ZNF124: variants seen among roughly 807,000 people sequenced by gnomAD.
The protein encoded by ZNF124 is zinc finger protein 124.
ZNF124 carries 25 observed loss-of-function variants against 26.6 expected under a neutral mutation model. That is an observed-to-expected ratio of 0.94 (90% CI 0.68 to 1.31). The LOEUF (loss-of-function observed/expected upper bound fraction) is 1.31. Among genes scored for constraint, ZNF124 ranks in the 40% most tolerant of loss-of-function variants. ZNF124 has a pLI of 0.00. For synonymous variants in ZNF124, 129 were observed against 133.3 expected (o/e 0.97, Z 0.22); for missense variants, 444 against 422.2 (o/e 1.05, Z -0.45).
At chr1:247,150,052 C>A (rs1672886041), downstream of ZNF124, 1 of 152,110 alleles carries the variant, frequency 6.6e-6, no homozygotes, top group Non-Finnish European at 1.5e-5. Context: ...GCCTTTATGA[C>A]CTCACCACCT....
intron 1 of ZNF124, among the ~76,000 whole-genome samples, chr1:247,160,625 CCT>C (rs753298592): frequency 1.3e-5 from 2 of 152,130 alleles, no homozygotes; most frequent in African/African-American, 4.8e-5. Flanking sequence ...TTGCTGAACC[CCT>C]GTTTTCCTTC....
chr1:247,125,674 C>T (rs1464085850), intron 3 of ZNF124, among the ~76,000 whole-genome samples: 3 of 151,046 alleles, frequency 2.0e-5, no homozygotes, highest in African/African-American at 7.3e-5. Flanking sequence ...TCGTGATCGG[C>T]GCCGGCGCCG....
intron 3 of ZNF124, among the ~76,000 whole-genome samples, chr1:247,147,276 G>A (rs142797547): frequency 0.032 from 4,745 of 149,838 alleles, 152 homozygotes; most frequent in Admixed American, 0.092. Flanking sequence ...GCCCAGGCTG[G>A]AGTCCAGTGG....
At chr1:247,151,490 A>AC (rs1424283284), downstream of ZNF124, among the ~76,000 whole-genome samples, 17 of 152,048 alleles carry the variant, frequency 1.1e-4, no homozygotes, top group African/African-American at 3.9e-4. Flanking sequence ...AAAAAAAAAA[A>AC]AAAAACCATG....
rs1198502414 is a variant in ZNF124 at position 247,132,057 on chromosome 1, TC to T, written c.219-8187del. ...GGTTGGTGTCCCTTGAGGTAAGAAG[TC>T]CCAGAAGGAGGAGCAGGCACCCATC... On this transcript the variant is annotated intron_variant, in intron 3 of 3. Coordinates refer to the ZNF124 transcript ENST00000472531. Among the ~76,000 whole-genome samples, 4 of 152,042 alleles carry T rather than the reference TC, an allele frequency of 2.6e-5. No individual in the cohort carries two copies. In the East Asian group the frequency reaches 7.7e-4, roughly 29 times the overall value.
rs993116544 is a variant in ZNF124 at position 247,168,215 on chromosome 1, A to G, written c.30+3633T>C. On this transcript the variant is annotated intron_variant, in intron 1 of 3. Transcript: ENST00000543802. The surrounding 1 kb of genome is among the most constrained non-coding windows in gnomAD (Gnocchi z 4.0). ...AATGCCACTACTGGGTATGTACCCA[A>G]AGGAAAAGAAGTCATTATATGAAAA... 1.3e-5 allele frequency among the ~76,000 whole-genome samples: 2 copies of G among 152,216 alleles called. No homozygotes were observed. Among genetic ancestry groups the G allele is most frequent in the African/African-American group, 4.8e-5 (2 of 41,460 alleles).
chr1:247,140,128 T>G (rs1266661583), intron 3 of ZNF124, among the ~76,000 whole-genome samples: 1 of 152,214 alleles, frequency 6.6e-6, no homozygotes, highest in African/African-American at 2.4e-5. Context: ...GGGATGCCAA[T>G]AATTCATAGA....
At chr1:247,157,939 G>A (rs988456397) in intron 3 of ZNF124, among the ~76,000 whole-genome samples, 1 of 144,188 alleles carries the variant, frequency 6.9e-6, no homozygotes, top group Non-Finnish European at 1.5e-5. Context: ...GTTCCTGAAA[G>A]ATCCGATTGT....
At chr1:247,170,740 C>G (rs1336364150) in intron 1 of ZNF124, among the ~76,000 whole-genome samples, 2 of 142,632 alleles carry the variant, frequency 1.4e-5, no homozygotes, top group East Asian at 4.0e-4. Context: ...GGGTACATAA[C>G]TGGGGGCTGC....
intron 2 of ZNF124, among the ~76,000 whole-genome samples, 154 bp downstream of exon 2, chr1:247,159,533 T>A (rs542575404): frequency 1.3e-5 from 2 of 152,176 alleles, no homozygotes; most frequent in African/African-American, 4.8e-5. Context: ...AATTAAAAAA[T>A]AGACTAAGAA....
rs146879280 is a variant in ZNF124 at position 247,136,853 on chromosome 1, A to C, written c.219-12982T>G. Among the ~76,000 whole-genome samples the C allele has an allele frequency of 1.4e-3, 211 of 152,122 alleles. 1 individual carries two copies. The East Asian group carries it at 0.026, about 19-fold the overall frequency. ...TCCTTGCTGCTGGGGAGGCTGAGGC[A>C]AGAGAATCACTTGATCCCAGGAGTT... On this transcript the variant is annotated intron_variant, in intron 3 of 3. Coordinates refer to the ZNF124 transcript ENST00000472531.
At chr1:247,139,093 ATG>A (rs1672560975) in intron 3 of ZNF124, among the ~76,000 whole-genome samples, 1 of 152,148 alleles carries the variant, frequency 6.6e-6, no homozygotes, top group Admixed American at 6.5e-5. Flanking sequence ...ATGTTAATTG[ATG>A]TCTCATGTCT....
chr1:247,133,146 G>T (rs948030716), intron 3 of ZNF124, among the ~76,000 whole-genome samples: 2 of 151,918 alleles, frequency 1.3e-5, no homozygotes, highest in Admixed American at 6.6e-5. Flanking sequence ...TGGAAGAAAG[G>T]ATATCAGAGT....
At chr1:247,137,145 A>G (rs563738106) in intron 3 of ZNF124, among the ~76,000 whole-genome samples, 54 of 151,818 alleles carry the variant, frequency 3.6e-4, no homozygotes, top group Non-Finnish European at 6.6e-4. Flanking sequence ...CAGAAATACC[A>G]CCACACATCT....
At position 247,158,986 on chromosome 1, in the gene ZNF124, C is replaced by T; in HGVS notation, c.218+20G>A. 6.2e-7 allele frequency: 1 copy of T among 1,609,438 alleles called. No individual in the cohort carries two copies. The highest frequency in any genetic ancestry group is 1.1e-5 in the South Asian group (1 of 90,450). ...AATTGACCCCAAGGGGGACTGCTTC[C>T]TCTTGTGAGGGCAAATTACCTTAGA... On this transcript the variant is annotated intron_variant, in intron 3 of 3. Transcript: ENST00000543802.
intron 3 of ZNF124, among the ~76,000 whole-genome samples, chr1:247,139,337 C>G (rs746193902): frequency 3.9e-5 from 6 of 152,198 alleles, no homozygotes; most frequent in Non-Finnish European, 7.3e-5. Context: ...GTAACCCCTG[C>G]TTTTCTGTTT....
chr1:247,131,345 C>T (rs928040827), intron 3 of ZNF124, among the ~76,000 whole-genome samples: 10 of 152,214 alleles, frequency 6.6e-5, no homozygotes, highest in African/African-American at 2.2e-4. Flanking sequence ...CCCACGCCAC[C>T]GAGGCCTGCC....
chr1:247,156,140 G>A lies in ZNF124; in HGVS notation c.*426C>T. 1.0e-6 allele frequency: 1 copy of A among 988,072 alleles called. No individual in the cohort carries two copies. The highest frequency in any genetic ancestry group is 1.2e-6 in the Non-Finnish European group (1 of 831,894). 61.2% of individuals were successfully genotyped at this position (988,072 alleles called of 1,614,324 possible). ...AAATTCAGAATTTTCTGTATTTCTA[G>A]GATTTCAATCTGGTGGGCATTCTTT... On this transcript the variant is annotated 3_prime_UTR_variant, in exon 4 of 4. Transcript: ENST00000543802.
downstream of ZNF124, among the ~76,000 whole-genome samples, chr1:247,153,613 GTACTATCTC>G (rs1245974401): frequency 6.6e-6 from 1 of 152,050 alleles, no homozygotes; most frequent in African/African-American, 2.4e-5. Context: ...CAGGTTTCAG[GTACTATCTC>G]TACCTGGAAA....
Sources: allele counts gnomAD v4.1 joint callset (sites outside exome capture counted in the v4.1 genomes callset), GRCh38; gene constraint gnomAD v4.1.1; non-coding constraint Gnocchi (gnomAD v3.1); transcripts MANE v1.5; gene names NCBI Gene and HGNC (gene_info 2026-07-23, HGNC 2026-07-21).